Variants in KCNT1 observed in about 807,000 individuals in gnomAD.
KCNT1 encodes the protein potassium sodium-activated channel subfamily T member 1.
In KCNT1, 78 loss-of-function variants were observed where a neutral mutation model predicts 147.8. The ratio of observed to expected loss-of-function variants is 0.53; its 90% CI spans 0.44 to 0.64. KCNT1 has a LOEUF of 0.64. Among genes scored for constraint, KCNT1 ranks in the 30% least tolerant of loss-of-function variants. KCNT1 has a pLI of 0.00. For synonymous variants in KCNT1, 867 were observed against 748.8 expected (o/e 1.16, Z -2.58); for missense variants, 1,419 against 1,750.3 (o/e 0.81, Z 3.38).
rs1411656144 is a variant in KCNT1, at chr9:135,765,725, C to T, written c.1302C>T (p.Gly434=). The change falls in exon 13 of 31, where the codon GGC becomes GGT. Residue 434 remains glycine, a synonymous_variant. Transcript: ENST00000371757. ...LWSQRVIYLQ[G]SALKDQDLMR... ...CCCAGCGGGTCATCTACCTCCAGGG[C>T]TCTGCACTCAAAGACCAGGACCTCA... The T allele has an allele frequency of 2.5e-6, 4 of 1,609,022 alleles. No homozygotes were observed. The highest frequency in any genetic ancestry group is 2.2e-5 in the East Asian group (1 of 44,772).
Position 135,777,354 on chromosome 9 carries a change from G to T in KCNT1, c.2366G>T (p.Ser789Ile). The T allele has an allele frequency of 1.9e-6, 3 of 1,613,928 alleles. No homozygotes were observed. Among genetic ancestry groups the T allele is most frequent in the Non-Finnish European group, 2.5e-6 (3 of 1,179,874 alleles). ...TGCCCCCAGGGCTGCAAGCACAACA[G>T]CTATGAAGACGCCAAGGCCTACGGG... The part of the protein sequence containing the change: ...LRLDKGCKHN[S>I]YEDAKAYGFK... The change falls in exon 21 of 31, where the codon AGC becomes ATC. Residue 789 changes from serine to isoleucine, a missense_variant. Coordinates refer to ENST00000371757, the MANE Select transcript of KCNT1 (RefSeq NM_020822.3).
At chr9:135,753,751 C>T (rs1246647258) in intron 4 of KCNT1, 186 bp from the exon 5 acceptor site, 10 of 630,826 alleles carry the variant, frequency 1.6e-5, no homozygotes, top group South Asian at 9.1e-5. Flanking sequence ...GCAGGATCTC[C>T]GCAGTAGGTG....
chr9:135,782,071 C>T (rs1314543422), intron 24 of KCNT1, among the ~76,000 whole-genome samples: 5 of 152,082 alleles, frequency 3.3e-5, no homozygotes, highest in Admixed American at 2.6e-4. Context: ...ATTAGCCGGG[C>T]GTGGTGGCTG....
At chr9:135,705,907 G>A (rs1835234885) in intron 1 of KCNT1, among the ~76,000 whole-genome samples, 1 of 151,940 alleles carries the variant, frequency 6.6e-6, no homozygotes, top group Non-Finnish European at 1.5e-5. Flanking sequence ...GGGGCGGGAG[G>A]TGGGGGAGGT....
At chr9:135,775,043 A>ACTGCCCTGC (rs1403623995) in intron 19 of KCNT1, among the ~76,000 whole-genome samples, 1 of 152,084 alleles carries the variant, frequency 6.6e-6, no homozygotes, top group Non-Finnish European at 1.5e-5. Context: ...CACTGCCCTG[A>ACTGCCCTGC]CTGCCCTGCA....
At chr9:135,761,969 C>T (rs1347791188) in intron 11 of KCNT1, among the ~76,000 whole-genome samples, 6 of 152,250 alleles carry the variant, frequency 3.9e-5, no homozygotes, top group East Asian at 1.9e-4. Context: ...AAAGCAGGAG[C>T]GAAGCGCTCT....
intron 1 of KCNT1, among the ~76,000 whole-genome samples, chr9:135,707,708 G>A (rs1048082524): frequency 1.2e-4 from 19 of 152,282 alleles, no homozygotes; most frequent in African/African-American, 3.6e-4. Context: ...TGCCTCCCCC[G>A]ACAACCTTGG....
chr9:135,738,576 C>T (rs1354631977), intron 2 of KCNT1, among the ~76,000 whole-genome samples: 1 of 152,178 alleles, frequency 6.6e-6, no homozygotes, highest in Non-Finnish European at 1.5e-5. Context: ...GCCAGGGTCC[C>T]GGCTCCCTCA....
chr9:135,772,712 C>T lies in KCNT1; in HGVS notation c.2009-3C>T, dbSNP rs2131520063. Reference sequence around the variant, plus strand: ...TGTGGCCAAGCACAGGGCTCTCTTCCAGGGACAGTGGCCATGGACCTGCAG... The same window carrying T: ...TGTGGCCAAGCACAGGGCTCTCTTCTAGGGACAGTGGCCATGGACCTGCAG... On this transcript the variant is annotated splice_region_variant and splice_polypyrimidine_tract_variant and intron_variant, in intron 18 of 30. Transcript: ENST00000371757. 3.6e-6 allele frequency: 5 copies of T among 1,390,070 alleles called. No individual in the cohort carries two copies. The highest frequency in any genetic ancestry group is 4.7e-6 in the Non-Finnish European group (5 of 1,068,446). The allele number at this position is 1,390,070 out of a possible 1,614,324, so 86.1% of individuals were successfully genotyped here.
chr9:135,777,563 A>G, intron 21 of KCNT1, 53 bp downstream of exon 21: 1 of 1,465,198 alleles, frequency 6.8e-7, no homozygotes, highest in Non-Finnish European at 9.1e-7. Context: ...TCAGACCTGC[A>G]GCCAGCAGCC....
intron 30 of KCNT1, 66 bp downstream of exon 30, chr9:135,791,947 G>T: frequency 6.2e-7 from 1 of 1,611,140 alleles, no homozygotes; most frequent in Non-Finnish European, 8.5e-7. Context: ...GGGGAGATGA[G>T]GCCACAGGCA....
rs1835614198 is a variant in KCNT1 at position 135,714,019 on chromosome 9, C to T, written c.111-558C>T. Among the ~76,000 whole-genome samples, 1 of 152,132 alleles carries T rather than the reference C, an allele frequency of 6.6e-6. No individual in the cohort carries two copies. Among genetic ancestry groups the T allele is most frequent in the Non-Finnish European group, 1.5e-5 (1 of 68,008 alleles). ...AGCTGAGCTGCTCCGCCTGGGGAGG[C>T]TGCAAACAAGGGTGTCTTCTTAGGC... On this transcript the variant is annotated intron_variant, in intron 1 of 30. Transcript: ENST00000371757. This position sits in a 1 kb window ranked among gnomAD's most constrained non-coding sequence, Gnocchi z 6.2.
rs1832520059 is a variant in KCNT1 at position 135,768,940 on chromosome 9, G to A, written c.1510+3G>A. On this transcript the variant is annotated splice_donor_region_variant and intron_variant, in intron 15 of 30. Coordinates refer to ENST00000371757, the MANE Select transcript of KCNT1 (RefSeq NM_020822.3). Reference sequence around the variant, plus strand: ...CAAGTTTCACGTCAAGTTTGCTGGTGCGTCTGGGGCACACGTGGGTGATGG... The same window carrying A: ...CAAGTTTCACGTCAAGTTTGCTGGTACGTCTGGGGCACACGTGGGTGATGG... 2 of 1,608,570 alleles carry A rather than the reference G, an allele frequency of 1.2e-6. No individual in the cohort carries two copies. The highest frequency in any genetic ancestry group is 8.5e-7 in the Non-Finnish European group (1 of 1,177,032).
At chr9:135,747,899 A>T (rs541570136) in intron 2 of KCNT1, among the ~76,000 whole-genome samples, 6 of 152,274 alleles carry the variant, frequency 3.9e-5, no homozygotes, top group African/African-American at 1.4e-4. Context: ...CCAGAGCCAC[A>T]CGCCTCTTCC....
At chr9:135,784,674 G>A in intron 26 of KCNT1, 56 bp downstream of exon 26, 2 of 1,609,240 alleles carry the variant, frequency 1.2e-6, no homozygotes, top group Non-Finnish European at 1.7e-6. Context: ...CAAGTGGGTG[G>A]ATGGGCACCT....
rs1248003688 is a variant in KCNT1, at chr9:135,772,747, C to T, written c.2041C>T (p.His681Tyr). The change falls in exon 19 of 31, where the codon CAC becomes TAC. Residue 681 changes from histidine (H) to tyrosine (Y), a missense_variant. His to Tyr is a moderately conservative substitution (Grantham distance 83). This residue lies in a region of KCNT1 where 284 missense variants were observed against 292.8 expected (regional missense o/e 0.97). Transcript: ENST00000371757. ...GGCCATGGACCTGCAGGGCACAGAG[C>T]ACCGGCCTACGCAGAGCGGCGGTGG... ...TVAMDLQGTE[H>Y]RPTQSGGGGG... 2.1e-6 allele frequency: 3 copies of T among 1,442,074 alleles called. No homozygotes were observed. Among genetic ancestry groups the T allele is most frequent in the East Asian group, 5.4e-5 (2 of 37,342 alleles). 89.3% of individuals were successfully genotyped at this position (1,442,074 alleles called of 1,614,324 possible). A position where few individuals can be genotyped will look rare whatever the true frequency, so the allele number is the denominator to read the frequency against.
In KCNT1 at chr9:135,722,924, G is replaced by GA. The variant is rs149921342; in HGVS notation, c.254+8207dup. On this transcript the variant is annotated intron_variant, in intron 2 of 30. Coordinates refer to ENST00000371757, the MANE Select transcript of KCNT1 (RefSeq NM_020822.3). ...ATTCAGCCTGGAGCAGGCTTGGAGG[G>GA]AAAGAAGGGGACGCTGCAAAAGATG... Among the ~76,000 whole-genome samples, 1,134 of 152,360 alleles carry GA rather than the reference G, an allele frequency of 7.4e-3. 9 individuals carry two copies. Among genetic ancestry groups the GA allele is most frequent in the African/African-American group, 0.025 (1,026 of 41,576 alleles).
chr9:135,771,176 G>A, intron 18 of KCNT1, 81 bp downstream of exon 18: 1 of 1,320,190 alleles, frequency 7.6e-7, no homozygotes, highest in Non-Finnish European at 1.0e-6. Context: ...AGGTGACCAG[G>A]TGGGATGGGA....
chr9:135,715,141 A>G (rs77580434), intron 2 of KCNT1, among the ~76,000 whole-genome samples: 2 of 152,170 alleles, frequency 1.3e-5, no homozygotes, highest in African/African-American at 4.8e-5. Flanking sequence ...TCCTTGATTA[A>G]TTATTCAATG....
Sources: allele counts gnomAD v4.1 joint callset (sites outside exome capture counted in the v4.1 genomes callset), GRCh38; gene constraint gnomAD v4.1.1; regional missense constraint gnomAD v4.1.1; non-coding constraint Gnocchi (gnomAD v3.1); transcripts MANE v1.5; gene names NCBI Gene and HGNC (gene_info 2026-07-23, HGNC 2026-07-21).